The following IDO2 variants were observed in gnomAD, a reference collection of about 807,000 sequenced individuals.
IDO2 encodes the protein indoleamine 2,3-dioxygenase 2.
IDO2 carries 46 observed loss-of-function variants against 45.1 expected under a neutral mutation model. The observed-to-expected ratio is 1.02, with a 90% CI of 0.80 to 1.30. IDO2 has a LOEUF of 1.30. IDO2 is among the 50% of genes most tolerant of loss of function. The probability of loss-of-function intolerance (pLI) is 0.00; values close to 1 mark genes in which losing one functional copy is unlikely to be tolerated. For synonymous variants in IDO2, 218 were observed against 184.9 expected, an observed-to-expected ratio of 1.18 and a Z score of -1.45; for missense variants, 544 against 491.8, an observed-to-expected ratio of 1.11 and a Z score of -1.00.
chr8:39,962,404 T>C (rs534428988), intron 2 of IDO2, among the ~76,000 whole-genome samples: 1 of 152,324 alleles, frequency 6.6e-6, no homozygotes, highest in Admixed American at 6.5e-5. Flanking sequence ...AAATTTATCT[T>C]CCTAAAATTC....
chr8:39,987,086 G>C (rs1484198617), intron 6 of IDO2: 4 of 152,100 alleles, frequency 2.6e-5, no homozygotes, highest in Non-Finnish European at 5.9e-5. Flanking sequence ...CTGACCTCAG[G>C]TAATCTGCCT....
At chr8:39,950,002 T>C (rs1048383471) in intron 2 of IDO2, among the ~76,000 whole-genome samples, 1 of 152,144 alleles carries the variant, frequency 6.6e-6, no homozygotes, top group Non-Finnish European at 1.5e-5. Flanking sequence ...TTTTCTCATC[T>C]GGTGTGGTCC....
At chr8:39,956,199 C>G (rs771741296) in intron 2 of IDO2, among the ~76,000 whole-genome samples, 12 of 151,926 alleles carry the variant, frequency 7.9e-5, no homozygotes, top group Non-Finnish European at 1.5e-4. Context: ...GCTGGGATTA[C>G]AGGCACGCAC....
intron 1 of IDO2, among the ~76,000 whole-genome samples, chr8:39,936,089 T>C (rs1807543868): frequency 6.6e-6 from 1 of 152,176 alleles, no homozygotes; most frequent in African/African-American, 2.4e-5. Context: ...TGCATCCACC[T>C]ACTAACATCA....
chr8:39,944,347 T>C (rs542150116), intron 1 of IDO2, among the ~76,000 whole-genome samples: 48 of 152,272 alleles, frequency 3.2e-4, no homozygotes, highest in Admixed American at 7.2e-4. Flanking sequence ...ACTACCACAA[T>C]GTGAGTCTCT....
intron 8 of IDO2, among the ~76,000 whole-genome samples, chr8:40,000,049 GA>G (rs1439159556): frequency 1.3e-5 from 2 of 152,092 alleles, no homozygotes; most frequent in Non-Finnish European, 2.9e-5. Context: ...AATAATCAAA[GA>G]CAATTTTTTA....
intron 8 of IDO2, among the ~76,000 whole-genome samples, chr8:40,002,753 C>A (rs1488156930): frequency 6.6e-6 from 1 of 152,020 alleles, no homozygotes; most frequent in East Asian, 1.9e-4. Context: ...GTACTCCAGC[C>A]TGGGTGACAG....
intron 2 of IDO2, among the ~76,000 whole-genome samples, chr8:39,954,959 C>T (rs564841058): frequency 6.8e-4 from 103 of 151,416 alleles, no homozygotes; most frequent in African/African-American, 2.4e-3. Flanking sequence ...GCCCAGTCTC[C>T]CCCTGTCTCT....
At position 40,016,149 on chromosome 8, in the gene IDO2, A is replaced by G. The variant is rs142352462; in HGVS notation, c.*547A>G. On this transcript the variant is annotated 3_prime_UTR_variant, in exon 11 of 11. Transcript: ENST00000502986. ...GAGGATGCTGACAATAAGGACTTGG[A>G]AGTCACTAGTGTGAAAATGAGCAGT... The G allele has an allele frequency of 1.3e-3, 508 of 395,688 alleles. 3 individuals are homozygous for G. The highest frequency in any genetic ancestry group is 9.3e-3 in the African/African-American group (454 of 48,672). 24.5% of individuals were successfully genotyped at this position (395,688 alleles called of 1,614,324 possible). A position where few individuals can be genotyped will look rare whatever the true frequency, so the allele number is the denominator to read the frequency against.
rs879605069 is a variant in IDO2, at chr8:40,004,564, TAGAC to T, written c.668-762_668-759del. Among the ~76,000 whole-genome samples, 748 of 151,284 alleles carry T rather than the reference TAGAC, an allele frequency of 4.9e-3. 5 individuals carry two copies. The highest frequency in any genetic ancestry group is 9.0e-3 in the South Asian group (43 of 4,792). Reference sequence around the variant, plus strand: ...ATAGATAGATAGATAGATAGATAGATAGACGATAGATAGATAGATAGATAATCTC... The same window carrying T: ...ATAGATAGATAGATAGATAGATAGATGATAGATAGATAGATAGATAATCTC... On this transcript the variant is annotated intron_variant, in intron 8 of 10. Transcript: ENST00000502986.
At chr8:39,973,259 A>T (rs1808208098) in intron 3 of IDO2, among the ~76,000 whole-genome samples, 1 of 152,174 alleles carries the variant, frequency 6.6e-6, no homozygotes, top group Admixed American at 6.5e-5. Context: ...AAGAATGTAT[A>T]ATACTACTTA....
intron 8 of IDO2, among the ~76,000 whole-genome samples, chr8:39,995,765 A>C (rs1217921137): frequency 1.3e-5 from 2 of 152,050 alleles, no homozygotes. Flanking sequence ...CCTAGGAAAA[A>C]CCAGGCCATA....
At chr8:39,946,709 T>A (rs6474198) in intron 1 of IDO2, among the ~76,000 whole-genome samples, 3 of 151,998 alleles carry the variant, frequency 2.0e-5, no homozygotes, top group Non-Finnish European at 4.4e-5. Context: ...AGCCTGCTCT[T>A]CATGAATTAC....
intron 8 of IDO2, among the ~76,000 whole-genome samples, chr8:39,999,128 G>A (rs2729482): frequency 0.81 from 123,603 of 152,094 alleles, 50,525 homozygotes; most frequent in East Asian, 0.92. Flanking sequence ...TGAACATATC[G>A]GTACAAAAGC....
At chr8:40,000,677 A>G (rs1202949740) in intron 8 of IDO2, among the ~76,000 whole-genome samples, 1 of 152,222 alleles carries the variant, frequency 6.6e-6, no homozygotes, top group Non-Finnish European at 1.5e-5. Flanking sequence ...ATGTCATTAC[A>G]TATATTCATG....
chr8:39,942,419 A>T (rs1268710563), intron 1 of IDO2, among the ~76,000 whole-genome samples: 2 of 152,138 alleles, frequency 1.3e-5, no homozygotes, highest in Admixed American at 6.5e-5. Context: ...TGAGGCAGGC[A>T]GATCACCAGA....
chr8:39,972,983 G>A (rs1808202883), intron 3 of IDO2, among the ~76,000 whole-genome samples: 1 of 152,194 alleles, frequency 6.6e-6, no homozygotes, highest in Non-Finnish European at 1.5e-5. Flanking sequence ...GCACTGGGAA[G>A]CCAAGAAATG....
chr8:39,999,340 T>G (rs1268600598), intron 8 of IDO2, among the ~76,000 whole-genome samples: 1 of 142,488 alleles, frequency 7.0e-6, no homozygotes, highest in Non-Finnish European at 1.5e-5. Flanking sequence ...AGTGCAGTGG[T>G]GCAATCTTGG....
intron 3 of IDO2, among the ~76,000 whole-genome samples, chr8:39,973,075 A>T (rs1241850283): frequency 6.6e-6 from 1 of 152,154 alleles, no homozygotes; most frequent in African/African-American, 2.4e-5. Flanking sequence ...GTATGCCTGT[A>T]CATACTGGGG....
Sources: allele counts gnomAD v4.1 joint callset (sites outside exome capture counted in the v4.1 genomes callset), GRCh38; gene constraint gnomAD v4.1.1; transcripts MANE v1.5; gene names NCBI Gene and HGNC (gene_info 2026-07-23, HGNC 2026-07-21).